The following GPC6 variants were observed in gnomAD, a reference collection of about 807,000 sequenced individuals.
GPC6 encodes glypican-6.
In GPC6, 14 loss-of-function variants were observed where a neutral mutation model predicts 55.2. The observed-to-expected ratio is 0.25, with a 90% CI of 0.17 to 0.40. The LOEUF is 0.40. GPC6 is among the 10% of genes least tolerant of loss of function. The pLI is 1.00. For synonymous variants in GPC6, 278 were observed against 259.6 expected (o/e 1.07, Z -0.68); for missense variants, 641 against 708.5 (o/e 0.90, Z 1.08).
chr13:93,990,366 G>T (rs1184541337), intron 3 of GPC6, among the ~76,000 whole-genome samples: 1 of 151,920 alleles, frequency 6.6e-6, no homozygotes, highest in South Asian at 2.1e-4. Flanking sequence ...ATGAAACACT[G>T]TGACTTTCAG....
At chr13:93,774,327 G>C (rs1264025595) in intron 2 of GPC6, among the ~76,000 whole-genome samples, 2 of 152,084 alleles carry the variant, frequency 1.3e-5, no homozygotes, top group Non-Finnish European at 2.9e-5. Context: ...TACAATCCTG[G>C]ATTAATGAAC....
At chr13:94,255,271 A>G (rs1170705127) in intron 4 of GPC6, among the ~76,000 whole-genome samples, 2 of 152,202 alleles carry the variant, frequency 1.3e-5, no homozygotes, top group African/African-American at 2.4e-5. Context: ...TCTGTGATCA[A>G]ACCAAATCAT....
At chr13:93,986,987 C>G (rs778440469) in intron 3 of GPC6, among the ~76,000 whole-genome samples, 1 of 152,034 alleles carries the variant, frequency 6.6e-6, no homozygotes, top group Non-Finnish European at 1.5e-5. Flanking sequence ...TATCCAGTTC[C>G]ATGTTGGAGA....
At position 93,808,722 on chromosome 13, in the gene GPC6, G is replaced by C. The variant is rs1346240703; in HGVS notation, c.320-21432G>C. On this transcript the variant is annotated intron_variant, in intron 2 of 8. Transcript: ENST00000377047. ...TGAGGATGAGTTCACTCTACAGATA[G>C]TTACTGAGTACCTACTGTGTTTCAG... 3.3e-5 allele frequency among the ~76,000 whole-genome samples: 5 copies of C among 152,158 alleles called. No individual in the cohort carries two copies. In the East Asian group the frequency reaches 9.6e-4, roughly 29 times the overall value.
In GPC6 at chr13:94,403,350, A is replaced by G. The variant is rs896007499; in HGVS notation, c.*133A>G. ...TTCTATGAGAAGAGAGCAGTAATGC[A>G]ATCTGCCTCCCTTTTTGTTTTCCCA... On this transcript the variant is annotated 3_prime_UTR_variant, in exon 9 of 9. Coordinates refer to ENST00000377047, the MANE Select transcript of GPC6 (RefSeq NM_005708.5). The G allele has an allele frequency of 4.1e-6, 3 of 729,026 alleles. No individual in the cohort carries two copies. Among genetic ancestry groups the G allele is most frequent in the African/African-American group, 1.7e-5 (1 of 57,838 alleles). The allele number at this position is 729,026 out of a possible 1,614,324, so 45.2% of individuals were successfully genotyped here.
chr13:94,382,248 T>C (rs1033694742), intron 6 of GPC6, among the ~76,000 whole-genome samples, 166 bp from the exon 7 acceptor site: 1 of 152,180 alleles, frequency 6.6e-6, no homozygotes. Context: ...AAGGAGGCTT[T>C]CCCGGGCAAT....
intron 2 of GPC6, among the ~76,000 whole-genome samples, chr13:93,816,319 A>T (rs1252921755): frequency 6.6e-6 from 1 of 152,042 alleles, no homozygotes; most frequent in Non-Finnish European, 1.5e-5. Context: ...TAATTACCTA[A>T]CCATCCTGGG....
At chr13:93,962,697 A>G (rs1305452351) in intron 3 of GPC6, among the ~76,000 whole-genome samples, 1 of 152,180 alleles carries the variant, frequency 6.6e-6, no homozygotes, top group Admixed American at 6.5e-5. Flanking sequence ...AAGCTAGTCT[A>G]TTATACAGAT....
intron 4 of GPC6, among the ~76,000 whole-genome samples, chr13:94,178,292 C>T (rs971789959): frequency 1.3e-4 from 20 of 152,078 alleles, no homozygotes; most frequent in East Asian, 7.7e-4. Flanking sequence ...CCATCGCACC[C>T]GGCTGGTCTT....
At chr13:93,475,831 G>T (rs1879282217) in intron 1 of GPC6, among the ~76,000 whole-genome samples, 1 of 151,882 alleles carries the variant, frequency 6.6e-6, no homozygotes, top group African/African-American at 2.4e-5. Context: ...TAAAATAGAG[G>T]GTGCTTTTTA....
At chr13:93,767,717 G>A (rs1594440035) in intron 2 of GPC6, among the ~76,000 whole-genome samples, 2 of 152,106 alleles carry the variant, frequency 1.3e-5, no homozygotes, top group Non-Finnish European at 2.9e-5. Context: ...TCAAAGAAGG[G>A]CCTGATTACT....
At chr13:94,299,574 G>A (rs1307431620) in intron 5 of GPC6, among the ~76,000 whole-genome samples, 4 of 152,204 alleles carry the variant, frequency 2.6e-5, no homozygotes, top group Non-Finnish European at 5.9e-5. Context: ...AGGCCTGCAG[G>A]AGCTTGTTAG....
At chr13:93,540,013 C>T (rs950590456) in intron 1 of GPC6, among the ~76,000 whole-genome samples, 5 of 152,076 alleles carry the variant, frequency 3.3e-5, no homozygotes, top group African/African-American at 1.2e-4. Context: ...TTGAATGGCA[C>T]AGTAACCTTG....
intron 4 of GPC6, among the ~76,000 whole-genome samples, chr13:94,280,450 T>C (rs994845553): frequency 6.6e-6 from 1 of 151,972 alleles, no homozygotes; most frequent in African/African-American, 2.4e-5. Context: ...CAGCCCAAGA[T>C]CTCACAAGCA....
At chr13:93,963,659 G>A (rs1879890639) in intron 3 of GPC6, among the ~76,000 whole-genome samples, 1 of 152,180 alleles carries the variant, frequency 6.6e-6, no homozygotes, top group Non-Finnish European at 1.5e-5. Context: ...ATCTCCGTTA[G>A]ACAGATGGTA....
At chr13:94,342,569 C>T (rs564906912) in intron 6 of GPC6, among the ~76,000 whole-genome samples, 9 of 152,262 alleles carry the variant, frequency 5.9e-5, no homozygotes, top group African/African-American at 2.2e-4. Context: ...CTTCAGACTC[C>T]GGGCATCCAG....
At chr13:94,338,781 A>C (rs1054639907) in intron 6 of GPC6, among the ~76,000 whole-genome samples, 10 of 152,232 alleles carry the variant, frequency 6.6e-5, no homozygotes, top group Non-Finnish European at 1.5e-5. Flanking sequence ...AAATGCCTCG[A>C]GGAGAGCCCA....
chr13:94,238,322 G>A lies in GPC6; in HGVS notation c.878-48027G>A, dbSNP rs565854591. 5.3e-5 allele frequency among the ~76,000 whole-genome samples: 8 copies of A among 152,244 alleles called. No individual in the cohort carries two copies. In the South Asian group the frequency reaches 1.7e-3, roughly 32 times the overall value. ...GGTCTGGATGAGATCCCCTCAGAGAGCCTATAGCTAGAAGAGATAATGAGG... is the reference window on the plus strand; with the variant it reads ...GGTCTGGATGAGATCCCCTCAGAGAACCTATAGCTAGAAGAGATAATGAGG... On this transcript the variant is annotated intron_variant, in intron 4 of 8. Transcript: ENST00000377047.
intron 4 of GPC6, among the ~76,000 whole-genome samples, chr13:94,118,891 A>G (rs1471252348): frequency 1.3e-5 from 2 of 152,106 alleles, no homozygotes; most frequent in Non-Finnish European, 2.9e-5. Context: ...GTCTCTGGGC[A>G]TAAGCAGGCT....
Sources: allele counts gnomAD v4.1 joint callset (sites outside exome capture counted in the v4.1 genomes callset), GRCh38; gene constraint gnomAD v4.1.1; transcripts MANE v1.5; gene names NCBI Gene and HGNC (gene_info 2026-07-23, HGNC 2026-07-21).